Variants in ABCC4 observed in about 807,000 individuals in gnomAD.
ABCC4 encodes ATP-binding cassette sub-family C member 4.
A neutral mutation model predicts 168.5 loss-of-function variants in ABCC4; 102 were observed. The ratio of observed to expected loss-of-function variants is 0.61; its 90% CI spans 0.52 to 0.71. ABCC4 has a LOEUF of 0.71. Among genes scored for constraint, ABCC4 ranks in the 30% least tolerant of loss-of-function variants. The pLI, the probability that ABCC4 is intolerant of heterozygous loss-of-function variation, is 0.00. For synonymous variants in ABCC4, 617 were observed against 590.7 expected (o/e 1.04, Z -0.65); for missense variants, 1,402 against 1,605.8 (o/e 0.87, Z 2.17).
At chr13:95,076,025 T>C (rs868536306) in intron 21 of ABCC4, among the ~76,000 whole-genome samples, 19 of 152,194 alleles carry the variant, frequency 1.2e-4, no homozygotes, top group African/African-American at 4.6e-4. Flanking sequence ...GGGTCAGCTA[T>C]AGCCATTGCA....
chr13:95,228,930 G>A (rs1331714716), intron 4 of ABCC4, among the ~76,000 whole-genome samples: 1 of 151,964 alleles, frequency 6.6e-6, no homozygotes, highest in African/African-American at 2.4e-5. Flanking sequence ...AAGAGGAGAG[G>A]GTTCTCAAAT....
At chr13:95,048,882 C>T (rs1471065761) in intron 27 of ABCC4, among the ~76,000 whole-genome samples, 2 of 151,920 alleles carry the variant, frequency 1.3e-5, no homozygotes, top group East Asian at 3.9e-4. Flanking sequence ...TGACTTTTTT[C>T]TCATAAACGA....
intron 1 of ABCC4, among the ~76,000 whole-genome samples, chr13:95,251,840 G>T (rs118144309): frequency 6.6e-6 from 1 of 152,082 alleles, no homozygotes; most frequent in Non-Finnish European, 1.5e-5. Flanking sequence ...CCACAGTTTC[G>T]CTTTCCACAG....
chr13:95,044,796 T>A (rs1593997997), intron 27 of ABCC4, among the ~76,000 whole-genome samples: 1 of 150,400 alleles, frequency 6.6e-6, no homozygotes, highest in South Asian at 2.1e-4. Context: ...TACAGAAAGA[T>A]AAAAAAAATT....
At chr13:95,277,608 T>C (rs1183710200) in intron 1 of ABCC4, among the ~76,000 whole-genome samples, 1 of 145,754 alleles carries the variant, frequency 6.9e-6, no homozygotes, top group East Asian at 2.0e-4. Context: ...ACAAAGAAAG[T>C]AGGGAGCCAT....
intron 19 of ABCC4, among the ~76,000 whole-genome samples, chr13:95,117,588 T>C (rs1233552084): frequency 6.6e-6 from 1 of 152,216 alleles, no homozygotes; most frequent in African/African-American, 2.4e-5. Flanking sequence ...GGATTTTGTT[T>C]GTCGTCCTTC....
intron 4 of ABCC4, among the ~76,000 whole-genome samples, chr13:95,227,965 C>T (rs2039512048): frequency 6.6e-6 from 1 of 152,224 alleles, no homozygotes; most frequent in African/African-American, 2.4e-5. Context: ...CCACCTTGGC[C>T]TCCCATAGTG....
At chr13:95,058,982 A>G (rs2033181307) in intron 26 of ABCC4, among the ~76,000 whole-genome samples, 1 of 152,236 alleles carries the variant, frequency 6.6e-6, no homozygotes, top group Non-Finnish European at 1.5e-5. Context: ...TTTTATATGA[A>G]CCAGAATAGA....
Position 95,132,793 on chromosome 13 carries a change from C to A in ABCC4, c.2456-16792G>T, listed in dbSNP as rs185372275. ...ACATAGATGAACCATAAGGACATTA[C>A]ACGAAATAAAATAAGCCTCTCAGAA... is the stretch of plus-strand genomic sequence containing the variant. On this transcript the variant is annotated intron_variant, in intron 19 of 30. Transcript: ENST00000645237. Among the ~76,000 whole-genome samples, 9 of 152,162 alleles carry A rather than the reference C, an allele frequency of 5.9e-5. No homozygotes were observed. In the East Asian group the frequency reaches 1.7e-3, roughly 29 times the overall value.
intron 13 of ABCC4, among the ~76,000 whole-genome samples, chr13:95,175,465 A>G (rs1191558728): frequency 1.3e-5 from 2 of 152,104 alleles, no homozygotes; most frequent in Non-Finnish European, 2.9e-5. Flanking sequence ...GGCACCCGCC[A>G]CCATCCACCA....
chr13:95,066,316 C>T (rs58213679), intron 25 of ABCC4, among the ~76,000 whole-genome samples: 3,920 of 152,276 alleles, frequency 0.026, 184 homozygotes, highest in African/African-American at 0.089. Flanking sequence ...TAATGGCTGT[C>T]GTAACATCTT....
intron 4 of ABCC4, among the ~76,000 whole-genome samples, chr13:95,216,964 A>C (rs2039131503): frequency 6.6e-6 from 1 of 152,222 alleles, no homozygotes; most frequent in Non-Finnish European, 1.5e-5. Context: ...ACTAGAAGAC[A>C]TCTAACTATC....
chr13:95,295,371 A>T (rs2138963983), intron 1 of ABCC4, among the ~76,000 whole-genome samples: 1 of 152,086 alleles, frequency 6.6e-6, no homozygotes, highest in East Asian at 1.9e-4. Flanking sequence ...TATTAATAAA[A>T]ATTACTGGCC....
chr13:95,151,849 T>G (rs370171775), intron 19 of ABCC4, among the ~76,000 whole-genome samples: 1 of 152,208 alleles, frequency 6.6e-6, no homozygotes, highest in Admixed American at 6.5e-5. Context: ...ACCGACTTAG[T>G]TACCACAAAC....
At chr13:95,244,666 AAAG>A (rs2040059314) in intron 3 of ABCC4, among the ~76,000 whole-genome samples, 2 of 87,890 alleles carry the variant, frequency 2.3e-5, no homozygotes, top group African/African-American at 8.3e-5. Flanking sequence ...AGAAAGAAAG[AAAG>A]AAATCATAGC....
chr13:95,166,926 C>G (rs565852311), intron 14 of ABCC4, among the ~76,000 whole-genome samples: 39 of 152,148 alleles, frequency 2.6e-4, no homozygotes, highest in Admixed American at 1.1e-3. Flanking sequence ...GTGGCTCACA[C>G]CTGAAATCCC....
In ABCC4 at chr13:95,301,363, G is replaced by C; in HGVS notation, c.-49C>G. On this transcript the variant is annotated 5_prime_UTR_variant, in exon 1 of 31. Coordinates refer to ENST00000645237, the MANE Select transcript of ABCC4 (RefSeq NM_005845.5). ...GCCGGGGTCGCGCTGATCAGGCGGC[G>C]GTGGCCGCGGGCTCCGCTCCTGGAC... The C allele has an allele frequency of 4.0e-6, 6 of 1,506,348 alleles. No homozygotes were observed. Among genetic ancestry groups the C allele is most frequent in the Non-Finnish European group, 5.4e-6 (6 of 1,119,202 alleles). 93.3% of individuals were successfully genotyped at this position (1,506,348 alleles called of 1,614,324 possible).
intron 19 of ABCC4, among the ~76,000 whole-genome samples, chr13:95,122,766 C>T (rs756210873): frequency 2.0e-5 from 3 of 152,260 alleles, no homozygotes; most frequent in East Asian, 3.9e-4. Context: ...GCCACTAATG[C>T]GAGTGCCTTT....
chr13:95,225,728 G>C (rs2039445212), intron 4 of ABCC4, among the ~76,000 whole-genome samples: 1 of 151,600 alleles, frequency 6.6e-6, no homozygotes, highest in African/African-American at 2.4e-5. Context: ...ATGCTACTTT[G>C]AATTATGGCA....
Sources: gnomAD v4.1 joint callset for allele counts (sites outside exome capture counted in the v4.1 genomes callset) on GRCh38, gnomAD v4.1.1 for gene constraint, MANE v1.5 for transcripts, NCBI Gene and HGNC (gene_info 2026-07-23, HGNC 2026-07-21) for gene names.